Variants in FOXP1 observed in about 807,000 individuals in gnomAD.
The protein encoded by FOXP1 is forkhead box protein P1.
A neutral mutation model predicts 98.2 loss-of-function variants in FOXP1; 15 were observed. The observed-to-expected ratio is 0.15, with a 90% confidence interval of 0.10 to 0.24. The LOEUF (loss-of-function observed/expected upper bound fraction) is 0.24. Among genes scored for constraint, FOXP1 ranks in the 10% least tolerant of loss-of-function variants. The pLI is 1.00. For synonymous variants in FOXP1, 371 were observed against 314.5 expected (o/e 1.18, Z -1.90); for missense variants, 633 against 848.5 (o/e 0.75, Z 3.15).
chr3:71,212,566 C>T (rs75000462), intron 5 of FOXP1, among the ~76,000 whole-genome samples: 4,734 of 152,270 alleles, frequency 0.031, 243 homozygotes, highest in African/African-American at 0.1. Flanking sequence ...TGCCTTTTCT[C>T]ACACCATCAA....
chr3:71,151,803 CA>C, intron 6 of FOXP1, among the ~76,000 whole-genome samples: 1 of 152,126 alleles, frequency 6.6e-6, no homozygotes, highest in African/African-American at 2.4e-5. Flanking sequence ...TACCTTTTCC[CA>C]CTGCCCTATT....
intron 4 of FOXP1, among the ~76,000 whole-genome samples, chr3:71,322,985 T>C (rs139681908): frequency 0.018 from 2,786 of 151,884 alleles, 82 homozygotes; most frequent in African/African-American, 0.064. Flanking sequence ...TTTTTTTTTT[T>C]TTTGAGATGG....
chr3:71,268,516 C>T (rs923124128), intron 5 of FOXP1, among the ~76,000 whole-genome samples: 9 of 152,028 alleles, frequency 5.9e-5, no homozygotes, highest in South Asian at 2.1e-4. Flanking sequence ...ACACCAGGGG[C>T]GATACTGAGG....
At chr3:71,145,876 T>C (rs1377708580) in intron 6 of FOXP1, among the ~76,000 whole-genome samples, 1 of 152,218 alleles carries the variant, frequency 6.6e-6, no homozygotes, top group Non-Finnish European at 1.5e-5. Context: ...AGGTTCTTTA[T>C]ATATTCTGTA....
chr3:71,016,692 T>C (rs980619964), intron 11 of FOXP1, among the ~76,000 whole-genome samples: 91 of 118,286 alleles, frequency 7.7e-4, no homozygotes, highest in Middle Eastern at 8.7e-3. Context: ...CACACACACA[T>C]GCATACACAC....
intron 3 of FOXP1, among the ~76,000 whole-genome samples, chr3:71,365,323 C>T (rs9881553): frequency 2.3e-3 from 344 of 152,210 alleles, no homozygotes; most frequent in African/African-American, 7.6e-3. Flanking sequence ...AGCTTCCACT[C>T]ACTCACCCCA....
chr3:71,466,790 T>G (rs989619714), intron 3 of FOXP1, among the ~76,000 whole-genome samples: 22 of 152,210 alleles, frequency 1.4e-4, no homozygotes, highest in African/African-American at 5.1e-4. Context: ...GGCAGGGGGT[T>G]GCATCTTCCC....
intron 7 of FOXP1, among the ~76,000 whole-genome samples, chr3:71,094,278 CTTTTTTTTT>C (rs1180804992): frequency 7.8e-6 from 1 of 127,824 alleles, no homozygotes; most frequent in Non-Finnish European, 1.7e-5. Flanking sequence ...TTTTTCTTTT[CTTTTTTTTT>C]TTTTTTTTTT....
At chr3:71,397,634 T>G (rs1041534871) in intron 3 of FOXP1, among the ~76,000 whole-genome samples, 1 of 152,222 alleles carries the variant, frequency 6.6e-6, no homozygotes, top group Non-Finnish European at 1.5e-5. Context: ...AGCTATCAAG[T>G]CTGCAGTACT....
chr3:71,140,101 CT>C (rs995462646), intron 6 of FOXP1, among the ~76,000 whole-genome samples: 3 of 152,068 alleles, frequency 2.0e-5, no homozygotes, highest in Admixed American at 6.6e-5. Flanking sequence ...TCTACTGTAA[CT>C]TTTTTTAAGG....
intron 11 of FOXP1, among the ~76,000 whole-genome samples, chr3:71,038,803 T>C (rs2047952374): frequency 6.6e-6 from 1 of 151,854 alleles, no homozygotes; most frequent in Non-Finnish European, 1.5e-5. Context: ...AACTGGGACT[T>C]CAGGTGCATG....
At chr3:71,263,053 T>C (rs2069310505) in intron 5 of FOXP1, among the ~76,000 whole-genome samples, 1 of 152,156 alleles carries the variant, frequency 6.6e-6, no homozygotes. Context: ...ACCCTGAAAG[T>C]GATTCATTTC....
intron 6 of FOXP1, among the ~76,000 whole-genome samples, chr3:71,166,318 C>G (rs560115411): frequency 6.6e-6 from 1 of 152,314 alleles, no homozygotes; most frequent in African/African-American, 2.4e-5. Context: ...GTGACCATCA[C>G]AGAGCCATGA....
chr3:71,281,444 G>T (rs1288822), intron 5 of FOXP1, among the ~76,000 whole-genome samples: 69,204 of 151,862 alleles, frequency 0.46, 16,395 homozygotes, highest in African/African-American at 0.57. Context: ...GAAAGCACCC[G>T]CTTCATGTTC....
chr3:71,122,170 T>C (rs993165994), intron 6 of FOXP1, among the ~76,000 whole-genome samples: 1 of 152,226 alleles, frequency 6.6e-6, no homozygotes, highest in Non-Finnish European at 1.5e-5. Flanking sequence ...ATTCCTTTTT[T>C]TCTTATACTG....
chr3:71,224,527 G>A (rs1019254866), intron 5 of FOXP1, among the ~76,000 whole-genome samples: 4 of 152,228 alleles, frequency 2.6e-5, no homozygotes, highest in African/African-American at 9.7e-5. Context: ...AAGAGGCAGA[G>A]ATGGGAAGCT....
At position 71,315,079 on chromosome 3, in the gene FOXP1, TAAAAAAAAA is replaced by T. The variant is rs11355298; in HGVS notation, c.-72-15208_-72-15200del. ...TGAACTAATCCACACCTGGTCCATG[TAAAAAAAAA>T]AAAAAAAAAAAAAAAAAAAGAAAGA... On this transcript the variant is annotated intron_variant, in intron 4 of 20. Coordinates refer to ENST00000649528, the MANE Select transcript of FOXP1 (RefSeq NM_001349338.3). Among the ~76,000 whole-genome samples, 113 of 70,672 alleles carry T rather than the reference TAAAAAAAAA, an allele frequency of 1.6e-3. No individual in the cohort carries two copies. In the Middle Eastern group the frequency reaches 0.037, roughly 23 times the overall value. 46.4% of individuals were successfully genotyped at this position (70,672 alleles called of 152,430 possible). A position where few individuals can be genotyped will look rare whatever the true frequency, so the allele number is the denominator to read the frequency against.
At chr3:71,116,694 G>A (rs1198808410) in intron 6 of FOXP1, among the ~76,000 whole-genome samples, 2 of 152,172 alleles carry the variant, frequency 1.3e-5, no homozygotes, top group Non-Finnish European at 2.9e-5. Flanking sequence ...TAACTGAACA[G>A]AATTTATAAC....
At chr3:71,444,111 A>C (rs568295846) in intron 3 of FOXP1, among the ~76,000 whole-genome samples, 8 of 152,212 alleles carry the variant, frequency 5.3e-5, no homozygotes, top group African/African-American at 1.9e-4. Flanking sequence ...ATCAACGTCA[A>C]TTGGCACTGG....
Sources: allele counts gnomAD v4.1 joint callset (sites outside exome capture counted in the v4.1 genomes callset), GRCh38; gene constraint gnomAD v4.1.1; transcripts MANE v1.5; gene names NCBI Gene and HGNC (gene_info 2026-07-23, HGNC 2026-07-21).